BAIAP2L2: variants seen among roughly 807,000 people sequenced by gnomAD.
BAIAP2L2 encodes BAR/IMD domain-containing adapter protein 2-like 2.
BAIAP2L2 carries 65 observed loss-of-function variants against 60.4 expected under a neutral mutation model. The ratio of observed to expected loss-of-function variants is 1.08; its 90% CI spans 0.88 to 1.32. The LOEUF (loss-of-function observed/expected upper bound fraction) is 1.32, where lower values mean the gene tolerates loss of function less well. BAIAP2L2 is among the 40% of genes most tolerant of loss of function. BAIAP2L2 has a pLI of 0.00. For synonymous variants in BAIAP2L2, 344 were observed against 301.7 expected (o/e 1.14, Z -1.45); for missense variants, 836 against 741.2 (o/e 1.13, Z -1.48).
rs2086015857 is a variant in BAIAP2L2, at chr22:38,085,149, T to G, written c.*151A>C. The G allele has an allele frequency of 6.8e-6, 5 of 736,988 alleles. No individual in the cohort carries two copies. In the Admixed American group the frequency reaches 9.6e-5, roughly 14 times the overall value. 45.7% of individuals were successfully genotyped at this position (736,988 alleles called of 1,614,324 possible). A position where few individuals can be genotyped will look rare whatever the true frequency, so the allele number is the denominator to read the frequency against. On this transcript the variant is annotated 3_prime_UTR_variant, in exon 14 of 14. Transcript: ENST00000381669. ...CCCCAAGCCAGTGCTTTGGAGCTGC[T>G]CAGGCTGCCGGGGTGGTCTGGGGAG...
At chr22:38,089,484 G>A (rs1273978441) in intron 8 of BAIAP2L2, 38 bp downstream of exon 8, 11 of 1,160,248 alleles carry the variant, frequency 9.5e-6, no homozygotes, top group Admixed American at 4.6e-5. Flanking sequence ...GGGGGGCGGC[G>A]GGGGCGCGAA....
chr22:38,109,293 C>G, intron 1 of BAIAP2L2, 85 bp from the exon 2 acceptor site: 1 of 1,092,778 alleles, frequency 9.2e-7, no homozygotes, highest in South Asian at 1.3e-5. Context: ...CACCAGGCGT[C>G]AGGGACAGGG....
chr22:38,088,716 C>CGGGG, intron 10 of BAIAP2L2, 32 bp downstream of exon 10: 16 of 1,159,838 alleles, frequency 1.4e-5, no homozygotes, highest in Non-Finnish European at 1.7e-5. Flanking sequence ...TCTTCTCAAC[C>CGGGG]CACCCCCGGC....
chr22:38,107,725 C>G, intron 4 of BAIAP2L2, 127 bp downstream of exon 4: 1 of 839,074 alleles, frequency 1.2e-6, no homozygotes, highest in Non-Finnish European at 2.0e-6. Flanking sequence ...CCCACAGAGC[C>G]GGGTGCTGGG....
chr22:38,103,885 T>C lies in BAIAP2L2; in HGVS notation c.276+3967A>G, dbSNP rs556373416. Among the ~76,000 whole-genome samples the C allele has an allele frequency of 2.7e-3, 411 of 149,938 alleles. 3 individuals carry two copies. The highest frequency in any genetic ancestry group is 9.6e-3 in the African/African-American group (393 of 41,016). On this transcript the variant is annotated intron_variant, in intron 4 of 13. Transcript: ENST00000381669. ...GTCAAAAAAAAAAAAAAAAGAAGCTTCCACTGGCCAAAAATAGGACATTTT... is the reference window on the plus strand; with the variant it reads ...GTCAAAAAAAAAAAAAAAAGAAGCTCCCACTGGCCAAAAATAGGACATTTT...
At chr22:38,086,736 C>T (rs2086087603) in intron 11 of BAIAP2L2, among the ~76,000 whole-genome samples, 1 of 152,146 alleles carries the variant, frequency 6.6e-6, no homozygotes, top group African/African-American at 2.4e-5. Flanking sequence ...TGACTCACGC[C>T]TGTAATCCCA....
chr22:38,101,725 G>A (rs571666663), intron 4 of BAIAP2L2, among the ~76,000 whole-genome samples: 33 of 151,558 alleles, frequency 2.2e-4, no homozygotes, highest in Admixed American at 1.1e-3. Context: ...ATGGTGGCAC[G>A]CGCCTATAAT....
chr22:38,104,369 A>G (rs962835544), intron 4 of BAIAP2L2, among the ~76,000 whole-genome samples: 2 of 152,170 alleles, frequency 1.3e-5, no homozygotes, highest in African/African-American at 4.8e-5. Context: ...ATACTAGGAG[A>G]GCATCCTCAG....
chr22:38,110,526 G>A lies in BAIAP2L2; in HGVS notation c.-1C>T. ...AGAACTGGTCCATCTCGGGGGCCAT[G>A]GAGGGGCTGTCCCGGGTCTGAGCAG... On this transcript the variant is annotated 5_prime_UTR_variant, in exon 1 of 14. Transcript: ENST00000381669. 6.2e-7 allele frequency: 1 copy of A among 1,610,370 alleles called. No individual in the cohort carries two copies. Among genetic ancestry groups the A allele is most frequent in the Non-Finnish European group, 8.5e-7 (1 of 1,178,208 alleles).
intron 7 of BAIAP2L2, among the ~76,000 whole-genome samples, chr22:38,092,027 C>T (rs1462090347): frequency 6.6e-6 from 1 of 152,142 alleles, no homozygotes; most frequent in Non-Finnish European, 1.5e-5. Flanking sequence ...GAAACTCATA[C>T]ATCACTGATG....
intron 7 of BAIAP2L2, among the ~76,000 whole-genome samples, chr22:38,092,233 C>T (rs1281638520): frequency 6.6e-6 from 1 of 152,178 alleles, no homozygotes; most frequent in Admixed American, 6.5e-5. Flanking sequence ...GACAATTTAC[C>T]GTGCCCGGGC....
Position 38,091,991 on chromosome 22 carries a change from C to A in BAIAP2L2, c.613-2317G>T, listed in dbSNP as rs149346535. On this transcript the variant is annotated intron_variant, in intron 7 of 13. Transcript: ENST00000381669. ...CAAGATCAGAAAGTTTGCTCATACA[C>A]TGTTGTCAAGGGGTGCAGAAGCACA... is the stretch of plus-strand genomic sequence containing the variant. Among the ~76,000 whole-genome samples, 476 of 152,200 alleles carry A rather than the reference C, an allele frequency of 3.1e-3. 2 individuals carry two copies. The highest frequency in any genetic ancestry group is 0.017 in the Middle Eastern group (5 of 294).
chr22:38,104,472 G>A (rs1341438769), intron 4 of BAIAP2L2, among the ~76,000 whole-genome samples: 3 of 151,918 alleles, frequency 2.0e-5, no homozygotes, highest in African/African-American at 7.2e-5. Context: ...AGGGGAACCC[G>A]GAGGTTCGAA....
Position 38,087,966 on chromosome 22 carries a change from AC to A in BAIAP2L2, c.1119-703del, listed in dbSNP as rs1407159339. ...TACCCAGACGCACATCCCCTGGTCC[AC>A]CCATTCGCCTGTCCACCATCCATTA... On this transcript the variant is annotated intron_variant, in intron 10 of 13. Transcript: ENST00000381669. Among the ~76,000 whole-genome samples the A allele has an allele frequency of 2.2e-5, 3 of 139,254 alleles. No individual in the cohort carries two copies. In the East Asian group the frequency reaches 6.5e-4, roughly 30 times the overall value. 91.4% of individuals were successfully genotyped at this position (139,254 alleles called of 152,430 possible). A position where few individuals can be genotyped will look rare whatever the true frequency, so the allele number is the denominator to read the frequency against.
chr22:38,085,052 T>A lies in BAIAP2L2; in HGVS notation c.*248A>T. Reference sequence around the variant, plus strand: ...CAAGAGGTGGGCCCCCCAGGGAGAGTCCTGGAGCCCCTGGAGGGGGAGAAA... The same window carrying A: ...CAAGAGGTGGGCCCCCCAGGGAGAGACCTGGAGCCCCTGGAGGGGGAGAAA... On this transcript the variant is annotated 3_prime_UTR_variant, in exon 14 of 14. Coordinates refer to ENST00000381669, the MANE Select transcript of BAIAP2L2 (RefSeq NM_025045.6). 1 of 475,498 alleles carries A rather than the reference T, an allele frequency of 2.1e-6. No individual in the cohort carries two copies. The highest frequency in any genetic ancestry group is 2.2e-5 in the South Asian group (1 of 44,940). 29.5% of individuals were successfully genotyped at this position (475,498 alleles called of 1,614,324 possible). A position where few individuals can be genotyped will look rare whatever the true frequency, so the allele number is the denominator to read the frequency against.
chr22:38,086,387 A>G lies in BAIAP2L2; in HGVS notation c.1322T>C (p.Ile441Thr), dbSNP rs1601981169. Residue 441 changes from isoleucine to threonine, a missense_variant, in exon 12 of 14, where the codon ATA becomes ACA. Transcript: ENST00000381669. ...GCCATCCCAGTACTCCGAGGGTGCTATGGAGTTGCCCGGCCGGTCCAGGAG... is the reference window on the plus strand; with the variant it reads ...GCCATCCCAGTACTCCGAGGGTGCTGTGGAGTTGCCCGGCCGGTCCAGGAG... ...DDLLDRPGNS[I>T]APSEYWDGQS... is the part of the protein sequence containing the mutation. The G allele has an allele frequency of 7.9e-6, 6 of 762,478 alleles. No homozygotes were observed. Among genetic ancestry groups the G allele is most frequent in the African/African-American group, 1.6e-5 (1 of 62,724 alleles). The allele number at this position is 762,478 out of a possible 1,614,324, so 47.2% of individuals were successfully genotyped here. A position where few individuals can be genotyped will look rare whatever the true frequency, so the allele number is the denominator to read the frequency against.
At chr22:38,087,313 G>T (rs769988046) in intron 10 of BAIAP2L2, 49 bp from the exon 11 acceptor site, 2 of 1,564,934 alleles carry the variant, frequency 1.3e-6, no homozygotes, top group Non-Finnish European at 1.7e-6. Flanking sequence ...CAGGCCTGGG[G>T]ACAATGACCA....
intron 7 of BAIAP2L2, among the ~76,000 whole-genome samples, chr22:38,096,598 T>G (rs2086434106): frequency 6.6e-6 from 1 of 152,174 alleles, no homozygotes; most frequent in African/African-American, 2.4e-5. Context: ...GAGGTTGCAG[T>G]GAGCCGAGAT....
At chr22:38,089,457 A>C in intron 8 of BAIAP2L2, 65 bp downstream of exon 8, 4 of 936,388 alleles carry the variant, frequency 4.3e-6, no homozygotes, top group East Asian at 3.9e-5. Flanking sequence ...TGGGGGCCTG[A>C]GGCCCCGGGC....
Sources: gnomAD v4.1 joint callset for allele counts (sites outside exome capture counted in the v4.1 genomes callset) on GRCh38, gnomAD v4.1.1 for gene constraint, MANE v1.5 for transcripts, NCBI Gene and HGNC (gene_info 2026-07-23, HGNC 2026-07-21) for gene names.